Variants in TRIM37 observed in about 807,000 individuals in gnomAD.
TRIM37 encodes tripartite motif containing 37, also known as E3 ubiquitin-protein ligase TRIM37.
TRIM37 carries 80 observed loss-of-function variants against 129.8 expected under a neutral mutation model. The ratio of observed to expected loss-of-function variants is 0.62; its 90% CI spans 0.51 to 0.74. The LOEUF (loss-of-function observed/expected upper bound fraction) is 0.74, where lower values mean the gene tolerates loss of function less well. TRIM37 is among the 30% of genes least tolerant of loss of function. TRIM37 has a pLI of 0.00. For missense variants in TRIM37, 1,054 were observed against 1,176.5 expected, an observed-to-expected ratio of 0.90 and a Z score of 1.52; for synonymous variants, 389 against 387.1, an observed-to-expected ratio of 1.00 and a Z score of -0.06.
rs375691934 is a variant in TRIM37 at position 59,092,955 on chromosome 17, A to T, written c.124-1615T>A. Among the ~76,000 whole-genome samples, 38 of 152,264 alleles carry T rather than the reference A, an allele frequency of 2.5e-4. No individual in the cohort carries two copies. In the South Asian group the frequency reaches 7.7e-3, roughly 31 times the overall value. Reference sequence around the variant, plus strand: ...ATCACGAGGTCAGGAGTTCGAGACCAGCCTGGCCAACATAGTGAAATCCCG... The same window carrying T: ...ATCACGAGGTCAGGAGTTCGAGACCTGCCTGGCCAACATAGTGAAATCCCG... On this transcript the variant is annotated intron_variant, in intron 2 of 23. Transcript: ENST00000262294.
chr17:58,980,331 G>C (rs747894727), downstream of TRIM37: 19 of 1,613,968 alleles, frequency 1.2e-5, no homozygotes, highest in Non-Finnish European at 8.5e-7. The surrounding 1 kb of genome is among the most constrained non-coding windows in gnomAD (Gnocchi z 4.7). Flanking sequence ...GAGAATCATG[G>C]AGAGTGCAAA....
chr17:59,088,484 TAGAG>T (rs2043976859), intron 3 of TRIM37, 77 bp from the exon 4 acceptor site: 5 of 933,114 alleles, frequency 5.4e-6, no homozygotes, highest in Non-Finnish European at 7.0e-6. Flanking sequence ...TTTCTCAAAA[TAGAG>T]AGCACAATAA....
At chr17:59,020,014 T>G (rs530664607) in intron 19 of TRIM37, among the ~76,000 whole-genome samples, 373 of 152,052 alleles carry the variant, frequency 2.5e-3, no homozygotes, top group Non-Finnish European at 4.3e-3. Context: ...GTGGATTACC[T>G]GAGGTCAGGA....
chr17:58,968,903 A>G, the TRIM37 span, among the ~76,000 whole-genome samples: 3 of 152,188 alleles, frequency 2.0e-5, no homozygotes, highest in Non-Finnish European at 4.4e-5. Flanking sequence ...CGCACAGGGC[A>G]TTTGAGCATC....
chr17:59,086,834 T>A (rs12946396), intron 4 of TRIM37, among the ~76,000 whole-genome samples: 28,041 of 152,082 alleles, frequency 0.18, 2,768 homozygotes, highest in Non-Finnish European at 0.21. Context: ...AAACAGCAAG[T>A]AAGAAAGACT....
intron 24 of TRIM37, among the ~76,000 whole-genome samples, chr17:58,987,703 C>CA (rs2031946766): frequency 6.6e-6 from 1 of 151,968 alleles, no homozygotes; most frequent in African/African-American, 2.4e-5. Flanking sequence ...AATGAATATG[C>CA]AAAAAAGAAA....
the TRIM37 span, among the ~76,000 whole-genome samples, chr17:58,973,880 A>G: frequency 7.8e-6 from 1 of 128,670 alleles, no homozygotes; most frequent in East Asian, 2.5e-4. Context: ...TGAATCTGGG[A>G]GGCGGAGGTT....
At position 58,999,243 on chromosome 17, in the gene TRIM37, A is replaced by T; in HGVS notation, c.*134T>A. ...CTGTGCCACCTTCCAACAGTTTCCA[A>T]ATTACTATTTCAGGTCGAGATAATG... On this transcript the variant is annotated 3_prime_UTR_variant, in exon 24 of 24. Coordinates refer to ENST00000262294, the MANE Select transcript of TRIM37 (RefSeq NM_015294.6). 6.3e-7 allele frequency: 1 copy of T among 1,584,502 alleles called. No homozygotes were observed. The highest frequency in any genetic ancestry group is 8.6e-7 in the Non-Finnish European group (1 of 1,166,814).
At chr17:59,042,555 G>C (rs994294312) in intron 16 of TRIM37, among the ~76,000 whole-genome samples, 2 of 149,608 alleles carry the variant, frequency 1.3e-5, no homozygotes, top group African/African-American at 4.9e-5. Flanking sequence ...CTGAGGTCAG[G>C]ATTTCGAGAC....
At chr17:59,067,412 A>G (rs1453622329) in intron 9 of TRIM37, among the ~76,000 whole-genome samples, 1 of 152,198 alleles carries the variant, frequency 6.6e-6, no homozygotes, top group Non-Finnish European at 1.5e-5. Flanking sequence ...AACCATCTCT[A>G]GCCCAGGAAT....
intron 8 of TRIM37, among the ~76,000 whole-genome samples, chr17:59,075,126 C>T (rs1389731326): frequency 6.6e-6 from 1 of 152,064 alleles, no homozygotes; most frequent in Non-Finnish European, 1.5e-5. Flanking sequence ...GAATGTAGTT[C>T]TAATGCAGTT....
chr17:59,097,855 T>C (rs1280222871), intron 2 of TRIM37, among the ~76,000 whole-genome samples: 1 of 152,250 alleles, frequency 6.6e-6, no homozygotes, highest in Non-Finnish European at 1.5e-5. Context: ...AGATTTAATA[T>C]TGTTAAGACA....
intron 22 of TRIM37, among the ~76,000 whole-genome samples, chr17:59,004,220 A>G (rs2034171641): frequency 6.6e-6 from 1 of 152,200 alleles, no homozygotes; most frequent in African/African-American, 2.4e-5. Context: ...GAGACAATAG[A>G]TAAAAGGAAA....
At chr17:58,995,743 G>A (rs2144274393), downstream of TRIM37, among the ~76,000 whole-genome samples, 1 of 152,288 alleles carries the variant, frequency 6.6e-6, no homozygotes, top group East Asian at 1.9e-4. Context: ...GTAAGCAAGA[G>A]TTTTGGCTGG....
downstream of TRIM37, chr17:58,981,234 A>G: frequency 5.7e-6 from 3 of 529,188 alleles, no homozygotes; most frequent in Non-Finnish European, 6.6e-6. Context: ...CACTTGCAAA[A>G]TTACACAGCT....
At chr17:58,971,496 TGTTA>T in the TRIM37 span, among the ~76,000 whole-genome samples, 1 of 152,170 alleles carries the variant, frequency 6.6e-6, no homozygotes, top group South Asian at 2.1e-4. Flanking sequence ...AATTCCAGGC[TGTTA>T]GTTCTTTATG....
At chr17:58,988,435 C>T (rs982808982) in intron 24 of TRIM37, among the ~76,000 whole-genome samples, 3 of 152,088 alleles carry the variant, frequency 2.0e-5, no homozygotes, top group African/African-American at 7.2e-5. Context: ...GCCGTCTGGA[C>T]ACTGGTGAAA....
rs1035401779 is a variant in TRIM37, at chr17:58,998,706, C to A, written c.*671G>T. The A allele has an allele frequency of 3.9e-5, 38 of 985,308 alleles. No individual in the cohort carries two copies. The African/African-American group carries it at 5.9e-4, about 15-fold the overall frequency. 61.0% of individuals were successfully genotyped at this position (985,308 alleles called of 1,614,324 possible). On this transcript the variant is annotated 3_prime_UTR_variant, in exon 24 of 24. Transcript: ENST00000262294. ...TTACACGTGTCTACAGGGCCAGGAA[C>A]GTAATGAATCCATGTTAACTTAATT...
At chr17:59,032,217 T>C (rs1344287465) in intron 17 of TRIM37, 127 bp from the exon 18 acceptor site, 4 of 1,092,190 alleles carry the variant, frequency 3.7e-6, no homozygotes, top group Non-Finnish European at 5.4e-6. Flanking sequence ...TTCAGGTTCA[T>C]GATAAGAAGC....
Sources: allele counts gnomAD v4.1 joint callset (sites outside exome capture counted in the v4.1 genomes callset), GRCh38; gene constraint gnomAD v4.1.1; non-coding constraint Gnocchi (gnomAD v3.1); transcripts MANE v1.5; gene names NCBI Gene and HGNC (gene_info 2026-07-23, HGNC 2026-07-21).